LRCH4: variants seen among roughly 807,000 people sequenced by gnomAD.
LRCH4 encodes the protein leucine-rich repeat and calponin homology domain-containing protein 4.
LRCH4 carries 56 observed loss-of-function variants against 81.2 expected under a neutral mutation model. The observed-to-expected ratio is 0.69, with a 90% CI of 0.56 to 0.86. The LOEUF is 0.86. Ranked by LOEUF, LRCH4 falls within the 40% of genes least tolerant of loss-of-function variation. The pLI, the probability that LRCH4 is intolerant of heterozygous loss-of-function variation, is 0.00. For synonymous variants in LRCH4, 442 were observed against 409.7 expected (o/e 1.08, Z -0.95); for missense variants, 895 against 922.8 (o/e 0.97, Z 0.39).
chr7:100,578,987 CCTGAGAGGGCCCAT>C lies in LRCH4; in HGVS notation c.599-215_599-202del. On this transcript the variant is annotated intron_variant, in intron 4 of 17. Coordinates refer to ENST00000310300, the MANE Select transcript of LRCH4 (RefSeq NM_002319.5). The surrounding 1 kb of genome is among the most constrained non-coding windows in gnomAD (Gnocchi z 5.7). ...CTGGTCCACGGTCTAAGCGAGCCTC[CCTGAGAGGGCCCAT>C]CTGGACGTCAGCTCAGCTTCCCCGG... is the stretch of plus-strand genomic sequence containing the variant. 1.7e-6 allele frequency: 1 copy of C among 585,232 alleles called. No individual in the cohort carries two copies. The allele number at this position is 585,232 out of a possible 1,614,324, so 36.3% of individuals were successfully genotyped here.
chr7:100,578,551 G>A lies in LRCH4; in HGVS notation c.736-40C>T, dbSNP rs774292934. The A allele has an allele frequency of 5.6e-6, 9 of 1,602,294 alleles. No individual in the cohort carries two copies. In the Admixed American group the frequency reaches 6.7e-5, roughly 12 times the overall value. On this transcript the variant is annotated intron_variant, in intron 5 of 17. Transcript: ENST00000310300. This position sits in a 1 kb window ranked among gnomAD's most constrained non-coding sequence, Gnocchi z 5.7. ...GCACACGCCAGGGAGTTGGCAGGGAGGGCAGCTCCCCGGATCCTGCTCAGC... is the reference window on the plus strand; with the variant it reads ...GCACACGCCAGGGAGTTGGCAGGGAAGGCAGCTCCCCGGATCCTGCTCAGC...
In LRCH4 at chr7:100,586,091, C is replaced by G. The variant is rs1473162611; in HGVS notation, c.10G>C (p.Ala4Pro). The change falls in exon 1 of 18, where the codon GCC becomes CCC. Residue 4 changes from alanine (A) to proline (P), a missense_variant. Transcript: ENST00000310300. ...CCGGCGGCGAGTGGAGCCGCTACGG[C>G]CGCCGCCATCCGCTCCCGGCGGCTC... MAA[A>P]VAAPLAAGGE... is the part of the protein sequence containing the mutation. 1.3e-6 allele frequency: 2 copies of G among 1,523,372 alleles called. No homozygotes were observed. The highest frequency in any genetic ancestry group is 4.1e-5 in the Admixed American group (2 of 48,708). The allele number at this position is 1,523,372 out of a possible 1,614,324, so 94.4% of individuals were successfully genotyped here.
Position 100,585,984 on chromosome 7 carries a change from C to G in LRCH4, c.117G>C (p.Glu39Asp), listed in dbSNP as rs1801731468. Reference protein sequence around the residue: ...PGRRSAERALEEAVATGTLNL... With the variant: ...PGRRSAERALDEAVATGTLNL... ...TCAGGGTCCCGGTGGCCACGGCCTC[C>G]TCTAGGGCCCGCTCTGCACTGCGTC... Residue 39 changes from glutamate to aspartate, a missense_variant, in exon 1 of 18, where the codon GAG becomes GAC. Transcript: ENST00000310300. 6.2e-7 allele frequency: 1 copy of G among 1,612,150 alleles called. No individual in the cohort carries two copies. The highest frequency in any genetic ancestry group is 8.5e-7 in the Non-Finnish European group (1 of 1,179,134).
In LRCH4 at chr7:100,583,305, G is replaced by A. The variant is rs1012016452; in HGVS notation, c.221-846C>T. Among the ~76,000 whole-genome samples the A allele has an allele frequency of 6.6e-6, 1 of 152,218 alleles. No homozygotes were observed. Among genetic ancestry groups the A allele is most frequent in the African/African-American group, 2.4e-5 (1 of 41,460 alleles). ...GGTGGAGAGTGTGGGAGGGCCTGGG[G>A]TCTACAATCGCCCTCTTATCTGGAG... On this transcript the variant is annotated intron_variant, in intron 1 of 17. Coordinates refer to ENST00000310300, the MANE Select transcript of LRCH4 (RefSeq NM_002319.5). The surrounding 1 kb of genome is among the most constrained non-coding windows in gnomAD (Gnocchi z 4.3).
chr7:100,575,501 T>C lies in LRCH4; in HGVS notation c.1855-197A>G. 1.2e-6 allele frequency: 1 copy of C among 830,258 alleles called. No homozygotes were observed. The highest frequency in any genetic ancestry group is 2.0e-6 in the Non-Finnish European group (1 of 490,738). 51.4% of individuals were successfully genotyped at this position (830,258 alleles called of 1,614,324 possible). A position where few individuals can be genotyped will look rare whatever the true frequency, so the allele number is the denominator to read the frequency against. On this transcript the variant is annotated intron_variant, in intron 17 of 17. Coordinates refer to ENST00000310300, the MANE Select transcript of LRCH4 (RefSeq NM_002319.5). The surrounding 1 kb of genome is among the most constrained non-coding windows in gnomAD (Gnocchi z 5.3). ...AGGACAGGTGACATGCAGGACAAGATGGGGCCTGCAGGGCAGGGGATGTGT... is the reference window on the plus strand; with the variant it reads ...AGGACAGGTGACATGCAGGACAAGACGGGGCCTGCAGGGCAGGGGATGTGT...
Position 100,574,902 on chromosome 7 carries a change from C to G in LRCH4, c.*205G>C, listed in dbSNP as rs112238718. On this transcript the variant is annotated 3_prime_UTR_variant, in exon 18 of 18. Transcript: ENST00000310300. ...CACCGTCAGCACTGAGAGGTGGGGA[C>G]TCGTGGGGCTACTGGAGGGAGGCCA... The G allele has an allele frequency of 3.6e-6, 2 of 551,252 alleles. No homozygotes were observed. The highest frequency in any genetic ancestry group is 1.9e-5 in the African/African-American group (1 of 53,128). The allele number at this position is 551,252 out of a possible 1,614,324, so 34.1% of individuals were successfully genotyped here. A position where few individuals can be genotyped will look rare whatever the true frequency, so the allele number is the denominator to read the frequency against.
chr7:100,580,808 CACATAGACACACATGCACAG>C (rs1801526116), intron 4 of LRCH4: 2 of 143,446 alleles, frequency 1.4e-5, no homozygotes, highest in African/African-American at 5.5e-5. Flanking sequence ...CATACACATG[CACATAGACACACATGCACAG>C]ACACACAGAC....
chr7:100,584,800 G>A (rs1417249049), intron 1 of LRCH4: 1 of 456,638 alleles, frequency 2.2e-6, no homozygotes, highest in Non-Finnish European at 4.4e-6. Flanking sequence ...GCAGGCACCT[G>A]CTTAGGGAGA....
Position 100,581,818 on chromosome 7 carries a change from T to A in LRCH4, c.557A>T (p.Asp186Val). ...SELCGLSSLR[D>V]LNVRRNQLST... ...GAGCTGGTTCCTCCGGACATTGAGG[T>A]CCCGCAGGGAAGAGAGGCCACACAG... Residue 186 changes from aspartate to valine, a missense_variant, in exon 4 of 18, where the codon GAC (aspartate) becomes GTC (valine). Around this residue, in one of 3 missense-constraint regions of LRCH4, gnomAD observed 360 missense variants for 397.0 expected, o/e 0.91. Coordinates refer to ENST00000310300, the MANE Select transcript of LRCH4 (RefSeq NM_002319.5). 1.9e-6 allele frequency: 3 copies of A among 1,614,110 alleles called. No homozygotes were observed. In the South Asian group the frequency reaches 3.3e-5, roughly 18 times the overall value.
chr7:100,585,137 G>C, intron 1 of LRCH4: 1 of 205,552 alleles, frequency 4.9e-6, no homozygotes, highest in Non-Finnish European at 1.0e-5. Flanking sequence ...CTCCAGCAAC[G>C]GCCTCAAGTC....
chr7:100,576,635 G>A lies in LRCH4; in HGVS notation c.1552+59C>T. 5 of 1,412,524 alleles carry A rather than the reference G, an allele frequency of 3.5e-6. No individual in the cohort carries two copies. The South Asian group carries it at 6.2e-5, about 17-fold the overall frequency. 87.5% of individuals were successfully genotyped at this position (1,412,524 alleles called of 1,614,324 possible). ...CAGAGGGCTCCCAGGGCAGAAGGGT[G>A]ATGTAGCCGTTGGTGCTGGCAAGCA... On this transcript the variant is annotated intron_variant, in intron 14 of 17. Coordinates refer to ENST00000310300, the MANE Select transcript of LRCH4 (RefSeq NM_002319.5).
chr7:100,574,688 T>G lies in LRCH4; in HGVS notation c.*419A>C, dbSNP rs960982901. On this transcript the variant is annotated 3_prime_UTR_variant, in exon 18 of 18. Transcript: ENST00000310300. ...GGTCTGTACAGTTTATACACAGAGA[T>G]AGGGACCCGGCCTGGGCCCCGAACC... The G allele has an allele frequency of 2.8e-5, 5 of 178,412 alleles. No individual in the cohort carries two copies. The highest frequency in any genetic ancestry group is 3.6e-5 in the Non-Finnish European group (3 of 83,388). The allele number at this position is 178,412 out of a possible 1,614,324, so 11.1% of individuals were successfully genotyped here.
chr7:100,581,319 G>A (rs1485797017), intron 4 of LRCH4, among the ~76,000 whole-genome samples: 1 of 152,232 alleles, frequency 6.6e-6, no homozygotes, highest in Non-Finnish European at 1.5e-5. Context: ...GACAATGAAG[G>A]TGTAATTCTC....
At position 100,583,144 on chromosome 7, in the gene LRCH4, C is replaced by T. The variant is rs1380294803; in HGVS notation, c.221-685G>A. Among the ~76,000 whole-genome samples the T allele has an allele frequency of 6.6e-6, 1 of 152,126 alleles. No homozygotes were observed. Among genetic ancestry groups the T allele is most frequent in the Non-Finnish European group, 1.5e-5 (1 of 67,994 alleles). On this transcript the variant is annotated intron_variant, in intron 1 of 17. Coordinates refer to ENST00000310300, the MANE Select transcript of LRCH4 (RefSeq NM_002319.5). The surrounding 1 kb of genome is among the most constrained non-coding windows in gnomAD (Gnocchi z 4.3). Reference sequence around the variant, plus strand: ...GGGAGCTGGAGTTCCCAGGTCCCTCCCATCTGGGCTTCTCTGGCCCAGGGC... The same window carrying T: ...GGGAGCTGGAGTTCCCAGGTCCCTCTCATCTGGGCTTCTCTGGCCCAGGGC...
At position 100,574,860 on chromosome 7, in the gene LRCH4, C is replaced by T. The variant is rs1173381261; in HGVS notation, c.*247G>A. On this transcript the variant is annotated 3_prime_UTR_variant, in exon 18 of 18. Coordinates refer to ENST00000310300, the MANE Select transcript of LRCH4 (RefSeq NM_002319.5). Reference sequence around the variant, plus strand: ...GGGGTACAGAGGGCAGGGGCAGGGCCGGCGGGGACATGAAGGCACCGTCAG... The same window carrying T: ...GGGGTACAGAGGGCAGGGGCAGGGCTGGCGGGGACATGAAGGCACCGTCAG... 7 of 432,262 alleles carry T rather than the reference C, an allele frequency of 1.6e-5. No individual in the cohort carries two copies. The highest frequency in any genetic ancestry group is 2.9e-5 in the Non-Finnish European group (7 of 241,026). The allele number at this position is 432,262 out of a possible 1,614,324, so 26.8% of individuals were successfully genotyped here. A position where few individuals can be genotyped will look rare whatever the true frequency, so the allele number is the denominator to read the frequency against.
At chr7:100,581,708 G>A (rs1227763097) in intron 4 of LRCH4, 69 bp downstream of exon 4, 19 of 1,379,500 alleles carry the variant, frequency 1.4e-5, no homozygotes, top group Admixed American at 8.6e-5. Context: ...CAGTGTTTTC[G>A]TTACCGCAGC....
At position 100,583,586 on chromosome 7, in the gene LRCH4, G is replaced by T. The variant is rs903798874; in HGVS notation, c.221-1127C>A. On this transcript the variant is annotated intron_variant, in intron 1 of 17. Transcript: ENST00000310300. This position sits in a 1 kb window ranked among gnomAD's most constrained non-coding sequence, Gnocchi z 4.3. ...TATATCCCCCAAGGAAATGAGTCTTGTGACAGGAAATGAAGTAGAAACAAT... is the reference window on the plus strand; with the variant it reads ...TATATCCCCCAAGGAAATGAGTCTTTTGACAGGAAATGAAGTAGAAACAAT... Among the ~76,000 whole-genome samples the T allele has an allele frequency of 6.6e-6, 1 of 152,224 alleles. No individual in the cohort carries two copies. Among genetic ancestry groups the T allele is most frequent in the South Asian group, 2.1e-4 (1 of 4,836 alleles).
intron 1 of LRCH4, chr7:100,585,105 C>G (rs917103831): frequency 4.5e-6 from 1 of 222,950 alleles, no homozygotes; most frequent in Non-Finnish European, 9.3e-6. Flanking sequence ...GCACTCCCAG[C>G]TAGGAGATAA....
chr7:100,576,626 C>A, intron 14 of LRCH4, 68 bp downstream of exon 14: 1 of 1,366,234 alleles, frequency 7.3e-7, no homozygotes, highest in Non-Finnish European at 1.0e-6. Context: ...GCTCCCAGGG[C>A]AGAAGGGTGA....
Sources: allele counts gnomAD v4.1 joint callset (sites outside exome capture counted in the v4.1 genomes callset), GRCh38; gene constraint gnomAD v4.1.1; regional missense constraint gnomAD v4.1.1; non-coding constraint Gnocchi (gnomAD v3.1); transcripts MANE v1.5; gene names NCBI Gene and HGNC (gene_info 2026-07-23, HGNC 2026-07-21).